The following OSBP variants were observed in gnomAD, a reference collection of about 807,000 sequenced individuals.
OSBP encodes oxysterol binding protein, also known as oxysterol-binding protein 1.
In OSBP, 32 loss-of-function variants were observed where a neutral mutation model predicts 96.6. That is an observed-to-expected ratio of 0.33 (90% confidence interval 0.25 to 0.45). The LOEUF (loss-of-function observed/expected upper bound fraction) is 0.45. Among genes scored for constraint, OSBP ranks in the 20% least tolerant of loss-of-function variants. OSBP has a pLI of 1.00. For synonymous variants in OSBP, 369 were observed against 389.6 expected (o/e 0.95, Z 0.62); for missense variants, 653 against 1,029.7 (o/e 0.63, Z 5.01).
In OSBP at chr11:59,608,607, T is replaced by C; in HGVS notation, c.699A>G (p.Thr233=). 1.2e-6 allele frequency: 2 copies of C among 1,614,212 alleles called. No homozygotes were observed. Among genetic ancestry groups the C allele is most frequent in the Non-Finnish European group, 1.7e-6 (2 of 1,180,014 alleles). Residue 233 remains threonine, a synonymous_variant, in exon 3 of 14, where the codon ACA becomes ACG. Coordinates refer to ENST00000263847, the MANE Select transcript of OSBP (RefSeq NM_002556.3). ...TCNDLIAKHG[T]ALQRSLSELE... ...GCTCACTGAGAGAACGCTGCAGAGCTGTGCCATGCTTAGCTATCAAGTCAT... is the reference window on the plus strand; with the variant it reads ...GCTCACTGAGAGAACGCTGCAGAGCCGTGCCATGCTTAGCTATCAAGTCAT...
At chr11:59,588,501 A>T (rs1393074297) in intron 9 of OSBP, among the ~76,000 whole-genome samples, 1 of 150,650 alleles carries the variant, frequency 6.6e-6, no homozygotes, top group African/African-American at 2.4e-5. Context: ...ATGCCACTGC[A>T]CTCCAGCCTA....
chr11:59,577,325 ACTC>A (rs1257454179), intron 12 of OSBP, among the ~76,000 whole-genome samples: 1 of 152,064 alleles, frequency 6.6e-6, no homozygotes, highest in African/African-American at 2.4e-5. Flanking sequence ...AAAATTCCTC[ACTC>A]CTGTTTCCTT....
intron 9 of OSBP, among the ~76,000 whole-genome samples, chr11:59,592,381 G>A (rs1860595936): frequency 6.6e-6 from 1 of 152,142 alleles, no homozygotes; most frequent in South Asian, 2.1e-4. Flanking sequence ...TTTGCACTAT[G>A]TTTGCTGCAT....
intron 7 of OSBP, among the ~76,000 whole-genome samples, chr11:59,599,216 G>A (rs567958599): frequency 6.6e-6 from 1 of 152,318 alleles, no homozygotes; most frequent in African/African-American, 2.4e-5. Flanking sequence ...ACTTAACACT[G>A]CTGTTATAGG....
chr11:59,605,752 T>G (rs542868224), intron 3 of OSBP, among the ~76,000 whole-genome samples: 60 of 152,338 alleles, frequency 3.9e-4, no homozygotes, highest in African/African-American at 1.3e-3. Flanking sequence ...TCAGGCACTT[T>G]GCCGAGCACT....
intron 10 of OSBP, among the ~76,000 whole-genome samples, chr11:59,580,909 G>A (rs1211999640): frequency 6.6e-6 from 1 of 152,154 alleles, no homozygotes; most frequent in East Asian, 1.9e-4. Flanking sequence ...TTTCCTGACT[G>A]CTCAGAAGAC....
intron 3 of OSBP, among the ~76,000 whole-genome samples, chr11:59,603,538 T>G (rs113569369): frequency 1.3e-4 from 19 of 146,894 alleles, no homozygotes; most frequent in African/African-American, 4.6e-4. Context: ...AGTTTTTTTT[T>G]TTTTTTTTTT....
intron 3 of OSBP, 100 bp from the exon 4 acceptor site, chr11:59,601,938 C>T: frequency 1.0e-6 from 1 of 996,544 alleles, no homozygotes; most frequent in Non-Finnish European, 1.5e-6. Context: ...GAACTTTTAA[C>T]TGGCAAATTA....
chr11:59,602,294 T>C (rs1039586635), intron 3 of OSBP, among the ~76,000 whole-genome samples: 1 of 152,174 alleles, frequency 6.6e-6, no homozygotes, highest in Non-Finnish European at 1.5e-5. Flanking sequence ...CACACTGAGG[T>C]AGACCAAGTA....
intron 3 of OSBP, among the ~76,000 whole-genome samples, chr11:59,602,269 T>C (rs1280102788): frequency 6.6e-6 from 1 of 151,928 alleles, no homozygotes; most frequent in Middle Eastern, 3.2e-3. Flanking sequence ...CTTCAGACAC[T>C]GAGAACAGAG....
In OSBP at chr11:59,610,390, C is replaced by T. The variant is rs1378281093; in HGVS notation, c.562G>A (p.Ala188Thr). Residue 188 changes from alanine to threonine, a missense_variant, in exon 2 of 14, where the codon GCA becomes ACA. Around this residue, in one of 6 missense-constraint regions of OSBP, gnomAD observed 308 missense variants for 573.1 expected, o/e 0.54. Coordinates refer to ENST00000263847, the MANE Select transcript of OSBP (RefSeq NM_002556.3). The stretch of plus-strand genomic sequence containing the variant: ...GTTCTTTGTTCCTGACCTGACTCTG[C>T]CAGCATCTTCACAGCTTTGGCCTTG... ...LAKAKAVKMLAESDESGDEES... is the reference protein window; with the variant it reads ...LAKAKAVKMLTESDESGDEES... 1.2e-6 allele frequency: 2 copies of T among 1,612,920 alleles called. No individual in the cohort carries two copies. The highest frequency in any genetic ancestry group is 8.5e-7 in the Non-Finnish European group (1 of 1,179,992).
intron 7 of OSBP, 58 bp from the exon 8 acceptor site, chr11:59,594,313 A>C: frequency 6.4e-7 from 1 of 1,559,310 alleles, no homozygotes; most frequent in Admixed American, 1.8e-5. Context: ...GAGACAGTTT[A>C]ATTTTTTTTG....
intron 3 of OSBP, among the ~76,000 whole-genome samples, chr11:59,602,858 G>A (rs918479330): frequency 6.6e-6 from 1 of 152,216 alleles, no homozygotes; most frequent in Non-Finnish European, 1.5e-5. Flanking sequence ...GGACTCAAGT[G>A]ATCTACCCAT....
In OSBP at chr11:59,576,381, C is replaced by A; in HGVS notation, c.*196G>T. ...GACATAGTATCTCCTATGTCGATTT[C>A]AGTTTCAATCAGCTAAGGCAACCAG... On this transcript the variant is annotated 3_prime_UTR_variant, in exon 14 of 14. Transcript: ENST00000263847. The A allele has an allele frequency of 1.7e-6, 1 of 605,594 alleles. No individual in the cohort carries two copies. The highest frequency in any genetic ancestry group is 2.9e-6 in the Non-Finnish European group (1 of 347,178). The allele number at this position is 605,594 out of a possible 1,614,324, so 37.5% of individuals were successfully genotyped here. A position where few individuals can be genotyped will look rare whatever the true frequency, so the allele number is the denominator to read the frequency against.
At chr11:59,594,482 G>C (rs1215454245) in intron 7 of OSBP, among the ~76,000 whole-genome samples, 2 of 152,162 alleles carry the variant, frequency 1.3e-5, no homozygotes, top group African/African-American at 4.8e-5. Flanking sequence ...CTTTGAGATG[G>C]GAACCATGCC....
chr11:59,598,284 G>A (rs1590674241), intron 7 of OSBP, among the ~76,000 whole-genome samples: 1 of 152,204 alleles, frequency 6.6e-6, no homozygotes, highest in South Asian at 2.1e-4. Flanking sequence ...CTGATCACAA[G>A]GAACGCAGTC....
chr11:59,597,541 G>A (rs1402010284), intron 7 of OSBP, among the ~76,000 whole-genome samples: 1 of 138,582 alleles, frequency 7.2e-6, no homozygotes, highest in Non-Finnish European at 1.6e-5. Context: ...TTATCTGAAG[G>A]TCAACCTTTT....
chr11:59,609,612 C>A (rs1042005223), intron 2 of OSBP, among the ~76,000 whole-genome samples: 2 of 151,982 alleles, frequency 1.3e-5, no homozygotes, highest in African/African-American at 4.8e-5. Flanking sequence ...GATGAATGAA[C>A]ATACAGTATG....
chr11:59,605,626 T>C (rs1418581746), intron 3 of OSBP, among the ~76,000 whole-genome samples: 1 of 152,102 alleles, frequency 6.6e-6, no homozygotes, highest in Non-Finnish European at 1.5e-5. Context: ...CCTCAGGTGA[T>C]CCACTCGACT....
Sources: gnomAD v4.1 joint callset for allele counts (sites outside exome capture counted in the v4.1 genomes callset) on GRCh38, gnomAD v4.1.1 for gene constraint, gnomAD v4.1.1 regional missense constraint, MANE v1.5 for transcripts, NCBI Gene and HGNC (gene_info 2026-07-23, HGNC 2026-07-21) for gene names.